ABCB5: variants seen among roughly 807,000 people sequenced by gnomAD.
ABCB5 encodes ATP-binding cassette sub-family B member 5.
ABCB5 carries 155 observed loss-of-function variants against 144.2 expected under a neutral mutation model. The ratio of observed to expected loss-of-function variants is 1.08; its 90% confidence interval spans 0.94 to 1.23. The LOEUF is 1.23. ABCB5 is among the 50% of genes most tolerant of loss of function. ABCB5 has a pLI of 0.00. For missense variants in ABCB5, 1,830 were observed against 1,520.8 expected, an observed-to-expected ratio of 1.20 and a Z score of -3.38; for synonymous variants, 610 against 528.6, an observed-to-expected ratio of 1.15 and a Z score of -2.11.
At chr7:20,703,473 C>T (rs1786703519) in intron 19 of ABCB5, among the ~76,000 whole-genome samples, 1 of 152,214 alleles carries the variant, frequency 6.6e-6, no homozygotes, top group Admixed American at 6.5e-5. Context: ...TGCTATCATG[C>T]CTGGCTCCTA....
At chr7:20,736,024 C>T (rs762530065) in intron 23 of ABCB5, among the ~76,000 whole-genome samples, 1 of 152,116 alleles carries the variant, frequency 6.6e-6, no homozygotes, top group Admixed American at 6.6e-5. Context: ...GGGAAGAGGT[C>T]TCTGGGTTGT....
chr7:20,645,848 A>C lies in ABCB5; in HGVS notation c.771A>C (p.Ile257=). The C allele has an allele frequency of 6.2e-7, 1 of 1,613,890 alleles. No homozygotes were observed. Among genetic ancestry groups the C allele is most frequent in the Non-Finnish European group, 8.5e-7 (1 of 1,179,786 alleles). The change falls in exon 8 of 28, where the codon ATA becomes ATC. Residue 257 remains isoleucine (I), a synonymous_variant. Coordinates refer to ENST00000404938, the MANE Select transcript of ABCB5 (RefSeq NM_001163941.2). ...TCTTGTCATCAATCCGAACAGTCAT[A>C]GCCTTTAGGGCCCAGGAGAAAGAAC... ...EEVLSSIRTV[I]AFRAQEKELQ... is the part of the protein sequence containing the mutation.
rs544602001 is a variant in ABCB5 at position 20,723,371 on chromosome 7, A to G, written c.2625+152A>G. 38 of 728,618 alleles carry G rather than the reference A, an allele frequency of 5.2e-5. No homozygotes were observed. The African/African-American group carries it at 5.9e-4, about 11-fold the overall frequency. The allele number at this position is 728,618 out of a possible 1,614,324, so 45.1% of individuals were successfully genotyped here. A position where few individuals can be genotyped will look rare whatever the true frequency, so the allele number is the denominator to read the frequency against. The stretch of plus-strand genomic sequence containing the variant: ...GTAAAGTGATATGTATAGAGAGAGA[A>G]ATGCATACAGACCAATTTAGGATAG... On this transcript the variant is annotated intron_variant, in intron 21 of 27. Coordinates refer to ENST00000404938, the MANE Select transcript of ABCB5 (RefSeq NM_001163941.2).
At position 20,719,933 on chromosome 7, in the gene ABCB5, A is replaced by G. The variant is rs541446402; in HGVS notation, c.2422-3083A>G. On this transcript the variant is annotated intron_variant, in intron 20 of 27. Coordinates refer to ENST00000404938, the MANE Select transcript of ABCB5 (RefSeq NM_001163941.2). ...AATATAGATGTAAATGTGTGTTTGT[A>G]CCTATCAATACACACACACACACAC... Among the ~76,000 whole-genome samples, 353 of 124,968 alleles carry G rather than the reference A, an allele frequency of 2.8e-3. 1 individual carries two copies. The highest frequency in any genetic ancestry group is 0.011 in the African/African-American group (335 of 30,874). The allele number at this position is 124,968 out of a possible 152,430, so 82.0% of individuals were successfully genotyped here.
At chr7:20,735,476 A>G (rs1226865380) in intron 23 of ABCB5, among the ~76,000 whole-genome samples, 1 of 152,228 alleles carries the variant, frequency 6.6e-6, no homozygotes, top group Non-Finnish European at 1.5e-5. Context: ...TAAGGAAAGC[A>G]ACACTGGTTA....
rs569279857 is a variant in ABCB5 at position 20,749,363 on chromosome 7, G to A, written c.3429+3925G>A. The stretch of plus-strand genomic sequence containing the variant: ...CCACCTCACCCTCCCCGGGAGCTGC[G>A]ACCATAGGTGCCTGCCACCTATGCC... On this transcript the variant is annotated intron_variant, in intron 26 of 27. Transcript: ENST00000404938. 2.9e-4 allele frequency among the ~76,000 whole-genome samples: 43 copies of A among 147,338 alleles called. No homozygotes were observed. The South Asian group carries it at 5.4e-3, about 19-fold the overall frequency.
At chr7:20,680,010 G>A (rs999965446) in intron 14 of ABCB5, among the ~76,000 whole-genome samples, 2 of 152,108 alleles carry the variant, frequency 1.3e-5, no homozygotes, top group African/African-American at 4.8e-5. Context: ...CTATCCAAAT[G>A]TCAATCAGGA....
chr7:20,718,777 T>C (rs1438924560), intron 20 of ABCB5, among the ~76,000 whole-genome samples: 2 of 152,172 alleles, frequency 1.3e-5, no homozygotes, highest in Admixed American at 1.3e-4. Context: ...TTATAACCTG[T>C]TACTATAATC....
intron 23 of ABCB5, among the ~76,000 whole-genome samples, chr7:20,733,750 C>A (rs1487281556): frequency 6.6e-6 from 1 of 151,952 alleles, no homozygotes; most frequent in African/African-American, 2.4e-5. Context: ...GCAATTCTCC[C>A]ACCTCAGCCT....
intron 14 of ABCB5, 90 bp downstream of exon 14, chr7:20,658,766 C>A: frequency 7.0e-7 from 1 of 1,431,696 alleles, no homozygotes; most frequent in East Asian, 2.3e-5. Flanking sequence ...ATAGATTACT[C>A]AAGTTGAGAG....
chr7:20,626,595 T>C lies in ABCB5; in HGVS notation c.92T>C (p.Val31Ala). Residue 31 changes from valine to alanine, a missense_variant, in exon 3 of 28, where the codon GTT becomes GCT. Physicochemically the swap from Val to Ala is moderately conservative, Grantham distance 64. Transcript: ENST00000404938. The stretch of plus-strand genomic sequence containing the variant: ...CAGCCAAAACTGAGAAAGGAAGCAG[T>C]TGGATCTATTGAGATAGTAAGTGAA... ...EEQPKLRKEAVGSIEIFRFAD... is the reference protein window; with the variant it reads ...EEQPKLRKEAAGSIEIFRFAD... 1 of 1,607,034 alleles carries C rather than the reference T, an allele frequency of 6.2e-7. No homozygotes were observed. Among genetic ancestry groups the C allele is most frequent in the Non-Finnish European group, 8.5e-7 (1 of 1,176,508 alleles).
chr7:20,737,078 A>C (rs554933187), intron 23 of ABCB5, among the ~76,000 whole-genome samples: 1 of 152,052 alleles, frequency 6.6e-6, no homozygotes, highest in African/African-American at 2.4e-5. Flanking sequence ...GAATTGCTTG[A>C]ACCCAGGAGA....
At chr7:20,719,550 G>C (rs898627939) in intron 20 of ABCB5, among the ~76,000 whole-genome samples, 4 of 152,140 alleles carry the variant, frequency 2.6e-5, no homozygotes, top group African/African-American at 9.7e-5. Flanking sequence ...TACTATGATA[G>C]AGTGGCTAAG....
At chr7:20,647,311 G>A in intron 9 of ABCB5, 1 of 1,286,200 alleles carries the variant, frequency 7.8e-7, no homozygotes, top group Non-Finnish European at 9.8e-7. Context: ...ATTAGGAAAA[G>A]GCCAAGGATA....
intron 14 of ABCB5, chr7:20,666,964 T>G: frequency 2.0e-6 from 2 of 1,006,618 alleles, no homozygotes; most frequent in Non-Finnish European, 2.7e-6. Context: ...TCTGAAGCAA[T>G]TACAGTTGAA....
chr7:20,697,052 T>G (rs553337327), intron 16 of ABCB5, among the ~76,000 whole-genome samples: 1 of 152,326 alleles, frequency 6.6e-6, no homozygotes, highest in South Asian at 2.1e-4. Flanking sequence ...GCTCAGTGCC[T>G]GATAGTTAGC....
chr7:20,679,263 T>C (rs1343572973), intron 14 of ABCB5, among the ~76,000 whole-genome samples: 1 of 149,496 alleles, frequency 6.7e-6, no homozygotes, highest in Non-Finnish European at 1.5e-5. Context: ...AGATCAGGAG[T>C]TCAAGATCAG....
At chr7:20,723,268 G>A (rs1015892574) in intron 21 of ABCB5, 49 bp downstream of exon 21, 1 of 1,563,972 alleles carries the variant, frequency 6.4e-7, no homozygotes, top group African/African-American at 1.4e-5. Context: ...GAGAAAAACA[G>A]TCAGAACTTT....
chr7:20,622,097 C>T (rs140374367), intron 1 of ABCB5, among the ~76,000 whole-genome samples: 1 of 152,082 alleles, frequency 6.6e-6, no homozygotes, highest in Admixed American at 6.5e-5. Flanking sequence ...TATGAAAGTG[C>T]AGCTCATTAT....
Sources: allele counts gnomAD v4.1 joint callset (sites outside exome capture counted in the v4.1 genomes callset), GRCh38; gene constraint gnomAD v4.1.1; transcripts MANE v1.5; gene names NCBI Gene and HGNC (gene_info 2026-07-23, HGNC 2026-07-21).